EXOC4: variants seen among roughly 807,000 people sequenced by gnomAD.
EXOC4 encodes SEC8-like 1.
A neutral mutation model predicts 107.2 loss-of-function variants in EXOC4; 71 were observed. That is an observed-to-expected ratio of 0.66 (90% CI 0.55 to 0.81). EXOC4 has a LOEUF of 0.81. Ranked by LOEUF, EXOC4 falls within the 30% of genes least tolerant of loss-of-function variation. The pLI is 0.00. For synonymous variants in EXOC4, 456 were observed against 441.2 expected, an observed-to-expected ratio of 1.03 and a Z score of -0.42; for missense variants, 1,108 against 1,189.6, an observed-to-expected ratio of 0.93 and a Z score of 1.01.
intron 11 of EXOC4, among the ~76,000 whole-genome samples, chr7:133,869,962 A>G (rs1798717160): frequency 6.6e-6 from 1 of 152,208 alleles, no homozygotes; most frequent in Non-Finnish European, 1.5e-5. Context: ...GCCAGTTGTA[A>G]TTATATGTTC....
the EXOC4 span, among the ~76,000 whole-genome samples, chr7:134,093,583 T>C: frequency 6.6e-6 from 1 of 152,104 alleles, no homozygotes; most frequent in African/African-American, 2.4e-5. Context: ...ACCTATTAGA[T>C]ATATGCAGAA....
intron 7 of EXOC4, among the ~76,000 whole-genome samples, chr7:133,406,995 C>T (rs550796177): frequency 6.6e-6 from 1 of 152,280 alleles, no homozygotes; most frequent in African/African-American, 2.4e-5. Context: ...GTTTCCTTGA[C>T]AGAACTTCAG....
chr7:133,416,693 A>G (rs1415461892), intron 7 of EXOC4, among the ~76,000 whole-genome samples: 1 of 152,162 alleles, frequency 6.6e-6, no homozygotes, highest in Non-Finnish European at 1.5e-5. Context: ...ACTATCAGAT[A>G]TTTGAGAAGA....
chr7:133,553,422 A>T (rs575816462), intron 9 of EXOC4, among the ~76,000 whole-genome samples: 13 of 152,134 alleles, frequency 8.5e-5, no homozygotes, highest in Non-Finnish European at 1.9e-4. Flanking sequence ...TTGCTGTACC[A>T]CCTGTCTACT....
intron 11 of EXOC4, among the ~76,000 whole-genome samples, chr7:133,868,101 T>C (rs1468608913): frequency 6.6e-6 from 1 of 152,234 alleles, no homozygotes; most frequent in Non-Finnish European, 1.5e-5. Context: ...AAGAGATCCT[T>C]TTTATTTTTC....
chr7:133,506,713 C>A (rs1799671987), intron 9 of EXOC4, among the ~76,000 whole-genome samples: 1 of 151,936 alleles, frequency 6.6e-6, no homozygotes, highest in Admixed American at 6.6e-5. Flanking sequence ...TCTTTTCATC[C>A]TTGACATCAT....
intron 1 of EXOC4, among the ~76,000 whole-genome samples, chr7:133,260,207 A>G (rs1346925195): frequency 1.3e-5 from 2 of 151,934 alleles, no homozygotes; most frequent in African/African-American, 4.8e-5. Context: ...ATTGATAACA[A>G]TACTGCACTG....
intron 1 of EXOC4, among the ~76,000 whole-genome samples, chr7:133,267,003 A>G (rs1334710781): frequency 6.6e-6 from 1 of 152,142 alleles, no homozygotes; most frequent in African/African-American, 2.4e-5. Flanking sequence ...TTGCTTGCCC[A>G]TATGATCTGC....
intron 17 of EXOC4, among the ~76,000 whole-genome samples, chr7:134,056,691 T>G (rs180935258): frequency 1.8e-4 from 27 of 152,350 alleles, no homozygotes; most frequent in African/African-American, 6.5e-4. Context: ...AATTATCTGA[T>G]GTAGCAGAGA....
chr7:133,433,240 C>A (rs546674993), intron 7 of EXOC4, among the ~76,000 whole-genome samples: 1 of 152,282 alleles, frequency 6.6e-6, no homozygotes, highest in East Asian at 1.9e-4. Flanking sequence ...CATTCCCTAA[C>A]CTACCCCACT....
chr7:133,529,403 A>G (rs913772501), intron 9 of EXOC4, among the ~76,000 whole-genome samples: 1 of 152,192 alleles, frequency 6.6e-6, no homozygotes, highest in African/African-American at 2.4e-5. Flanking sequence ...AGAGGGTTGC[A>G]AGTTTAAGTT....
chr7:133,604,054 A>T (rs1468427762), intron 9 of EXOC4, among the ~76,000 whole-genome samples: 1 of 151,918 alleles, frequency 6.6e-6, no homozygotes, highest in Admixed American at 6.6e-5. Flanking sequence ...TAGGATATAA[A>T]CACACACATG....
chr7:133,398,643 T>TTC (rs1314975574), intron 7 of EXOC4, among the ~76,000 whole-genome samples: 1 of 152,186 alleles, frequency 6.6e-6, no homozygotes, highest in African/African-American at 2.4e-5. Context: ...TTAAGCCAGG[T>TTC]TTAGAGAGGG....
rs142976261 is a variant in EXOC4, at chr7:133,895,627, A to G, written c.1763A>G (p.Gln588Arg). The change falls in exon 12 of 18, where the codon CAA becomes CGA. Residue 588 changes from glutamine (Q) to arginine (R), a missense_variant. Physicochemically the swap from Gln to Arg is conservative, Grantham distance 43 (BLOSUM62 1). Transcript: ENST00000253861. The stretch of plus-strand genomic sequence containing the variant: ...ACAATCATTGTGGAGAAGACAGTTC[A>G]AGACCTCCTGAACCTGATGCATGAC... The part of the protein sequence containing the change: ...QSTIIVEKTV[Q>R]DLLNLMHDLS... 8 of 1,614,032 alleles carry G rather than the reference A, an allele frequency of 5.0e-6. No homozygotes were observed. In the East Asian group the frequency reaches 6.7e-5, roughly 13 times the overall value.
intron 1 of EXOC4, among the ~76,000 whole-genome samples, chr7:133,260,294 G>A (rs1329452072): frequency 6.8e-6 from 1 of 147,826 alleles, no homozygotes. Context: ...GTTTTTTTGA[G>A]ACAGAGTCTT....
chr7:133,270,791 G>T (rs890654719), intron 1 of EXOC4, among the ~76,000 whole-genome samples: 10 of 152,294 alleles, frequency 6.6e-5, no homozygotes, highest in African/African-American at 2.2e-4. Flanking sequence ...TCAATGACAA[G>T]TGTTGTCTTC....
At chr7:133,937,015 G>A (rs1800319687) in intron 13 of EXOC4, among the ~76,000 whole-genome samples, 1 of 152,212 alleles carries the variant, frequency 6.6e-6, no homozygotes, top group Non-Finnish European at 1.5e-5. Context: ...AAAGAGAGCT[G>A]TGGAAATTAG....
At chr7:134,076,871 C>T in the EXOC4 span, among the ~76,000 whole-genome samples, 1 of 151,978 alleles carries the variant, frequency 6.6e-6, no homozygotes, top group African/African-American at 2.4e-5. Context: ...AATTTTTTGG[C>T]TTTACAATGG....
intron 14 of EXOC4, among the ~76,000 whole-genome samples, chr7:133,976,799 A>G (rs1053598687): frequency 1.3e-5 from 2 of 152,186 alleles, no homozygotes; most frequent in African/African-American, 4.8e-5. Flanking sequence ...TTTTTAACTT[A>G]GCTCTTATGT....
Sources: allele counts gnomAD v4.1 joint callset (sites outside exome capture counted in the v4.1 genomes callset), GRCh38; gene constraint gnomAD v4.1.1; transcripts MANE v1.5; gene names NCBI Gene and HGNC (gene_info 2026-07-23, HGNC 2026-07-21).